TOGARAM2: variants seen among roughly 807,000 people sequenced by gnomAD.
The protein encoded by TOGARAM2 is TOG array regulator of axonemal microtubules 2.
In TOGARAM2, 85 loss-of-function variants were observed where a neutral mutation model predicts 93.3. The observed-to-expected ratio is 0.91, with a 90% confidence interval of 0.76 to 1.09. TOGARAM2 has a LOEUF of 1.09. Ranked by LOEUF, TOGARAM2 falls within the 50% of genes least tolerant of loss-of-function variation. The probability of loss-of-function intolerance (pLI) is 0.00; values close to 1 mark genes in which losing one functional copy is unlikely to be tolerated. For synonymous variants in TOGARAM2, 593 were observed against 552.8 expected (o/e 1.07, Z -1.02); for missense variants, 1,277 against 1,334.5 (o/e 0.96, Z 0.67).
At chr2:29,028,903 T>G (rs1361273442) in intron 14 of TOGARAM2, among the ~76,000 whole-genome samples, 1 of 152,142 alleles carries the variant, frequency 6.6e-6, no homozygotes, top group Non-Finnish European at 1.5e-5. Flanking sequence ...AGTGGAGAAG[T>G]GGAAGGTTTT....
chr2:28,961,912 T>C (rs539747251), intron 1 of TOGARAM2, among the ~76,000 whole-genome samples: 2 of 152,372 alleles, frequency 1.3e-5, no homozygotes, highest in South Asian at 4.1e-4. Flanking sequence ...TCTTTGTTTT[T>C]TCTCCAACTA....
intron 18 of TOGARAM2, among the ~76,000 whole-genome samples, chr2:29,041,268 C>T (rs1043289109): frequency 2.0e-5 from 3 of 152,186 alleles, no homozygotes; most frequent in Non-Finnish European, 4.4e-5. Flanking sequence ...AGGTGATCTG[C>T]TCACCTCGGC....
intron 18 of TOGARAM2, among the ~76,000 whole-genome samples, chr2:29,038,844 A>G (rs1486927489): frequency 6.6e-6 from 1 of 152,220 alleles, no homozygotes; most frequent in African/African-American, 2.4e-5. Context: ...TAGCCCAGCC[A>G]GCAAAACAGG....
At chr2:28,976,903 C>T (rs1260809936), upstream of TOGARAM2, among the ~76,000 whole-genome samples, 1 of 152,224 alleles carries the variant, frequency 6.6e-6, no homozygotes, top group South Asian at 2.1e-4. Flanking sequence ...TTCAGGCTCT[C>T]CAGGCTGGGG....
chr2:29,005,505 GTT>G (rs755849424), intron 6 of TOGARAM2, among the ~76,000 whole-genome samples: 9 of 101,882 alleles, frequency 8.8e-5, no homozygotes, highest in Non-Finnish European at 1.6e-4. Flanking sequence ...GAGTGCATGT[GTT>G]TGTGTAACTA....
At chr2:29,005,785 TGTGTGCATGTGTATGA>T (rs1663721465) in intron 6 of TOGARAM2, among the ~76,000 whole-genome samples, 4 of 13,112 alleles carry the variant, frequency 3.1e-4, no homozygotes, top group Admixed American at 2.8e-3. Flanking sequence ...GGAGTATCTG[TGTGTGCATGTGTATGA>T]GTGCATGTGT....
chr2:28,998,682 TTCC>T (rs1673121173), intron 3 of TOGARAM2, among the ~76,000 whole-genome samples: 1 of 152,204 alleles, frequency 6.6e-6, no homozygotes, highest in African/African-American at 2.4e-5. Context: ...AGAGCACCAC[TTCC>T]TGAAGGTCTT....
At position 29,022,722 on chromosome 2, in the gene TOGARAM2, C is replaced by T. The variant is rs148400307; in HGVS notation, c.1512-364C>T. Among the ~76,000 whole-genome samples the T allele has an allele frequency of 1.2e-3, 177 of 152,324 alleles. 2 individuals are homozygous for T. In the East Asian group the frequency reaches 0.027, roughly 23 times the overall value. Reference sequence around the variant, plus strand: ...CGTAGTCATGAGCAAAGCAATGCCTCGGCCTCCAGAACATTTGTGAGAAGC... The same window carrying T: ...CGTAGTCATGAGCAAAGCAATGCCTTGGCCTCCAGAACATTTGTGAGAAGC... On this transcript the variant is annotated intron_variant, in intron 11 of 19. Transcript: ENST00000379558.
intron 1 of TOGARAM2, among the ~76,000 whole-genome samples, chr2:28,961,429 C>T (rs1671803976): frequency 6.6e-6 from 1 of 152,068 alleles, no homozygotes; most frequent in Admixed American, 6.6e-5. Flanking sequence ...GCAACCTCCG[C>T]CTCCTAGATT....
chr2:29,010,371 C>T (rs990995425), intron 6 of TOGARAM2, among the ~76,000 whole-genome samples: 1 of 152,174 alleles, frequency 6.6e-6, no homozygotes, highest in African/African-American at 2.4e-5. Context: ...CGATCCCTCC[C>T]TGTGGGTCCA....
chr2:28,990,684 G>A (rs1426498081), intron 1 of TOGARAM2, among the ~76,000 whole-genome samples: 1 of 152,118 alleles, frequency 6.6e-6, no homozygotes, highest in African/African-American at 2.4e-5. Flanking sequence ...CAGTATGGAG[G>A]GTATCCCTGA....
At chr2:29,004,681 CATGT>C (rs1169678707) in intron 6 of TOGARAM2, among the ~76,000 whole-genome samples, 8 of 151,710 alleles carry the variant, frequency 5.3e-5, no homozygotes, top group Admixed American at 2.6e-4. Context: ...TGAGTATATG[CATGT>C]ATGTGAGTAC....
intron 1 of TOGARAM2, among the ~76,000 whole-genome samples, chr2:28,959,027 T>C (rs1671763590): frequency 6.6e-6 from 1 of 152,062 alleles, no homozygotes; most frequent in Non-Finnish European, 1.5e-5. Flanking sequence ...GCAGCAGGCG[T>C]GATGAGAGGG....
chr2:29,014,575 G>A lies in TOGARAM2; in HGVS notation c.1044+14G>A, dbSNP rs1013290246. The A allele has an allele frequency of 1.4e-5, 22 of 1,559,450 alleles. No homozygotes were observed. The highest frequency in any genetic ancestry group is 1.7e-4 in the Middle Eastern group (1 of 6,000). ...ATCGGCACCAAGGTACCTGGGGAGC[G>A]GGAGGAGGAGGAAGTGGGGCTGGAG... On this transcript the variant is annotated intron_variant, in intron 8 of 19. Transcript: ENST00000379558.
chr2:29,011,409 G>C (rs1470749670), intron 6 of TOGARAM2, 46 bp from the exon 7 acceptor site: 20 of 1,596,216 alleles, frequency 1.3e-5, no homozygotes, highest in Admixed American at 1.7e-5. Flanking sequence ...CAGTGTCTCT[G>C]GCTGGCCATC....
At chr2:28,966,388 C>A (rs192833770) in intron 1 of TOGARAM2, among the ~76,000 whole-genome samples, 1 of 152,130 alleles carries the variant, frequency 6.6e-6, no homozygotes, top group East Asian at 1.9e-4. Flanking sequence ...ATCTCCACCT[C>A]CGGCGTTCAA....
chr2:29,026,742 C>A (rs1397310129), intron 13 of TOGARAM2, 111 bp from the exon 14 acceptor site: 16 of 1,211,918 alleles, frequency 1.3e-5, no homozygotes, highest in Non-Finnish European at 1.8e-5. Context: ...ATTTTTGGAG[C>A]CCCTGGCTGG....
intron 1 of TOGARAM2, among the ~76,000 whole-genome samples, chr2:28,957,813 T>C (rs565490773): frequency 1.3e-5 from 2 of 152,196 alleles, no homozygotes; most frequent in South Asian, 4.2e-4. Flanking sequence ...GTATCTTCAA[T>C]AGGAGAGGTG....
rs1664242385 is a variant in TOGARAM2, at chr2:29,011,460, C to A, written c.836C>A (p.Ala279Asp). The A allele has an allele frequency of 6.2e-7, 1 of 1,609,570 alleles. No individual in the cohort carries two copies. Among genetic ancestry groups the A allele is most frequent in the Admixed American group, 1.7e-5 (1 of 59,062 alleles). ...TGLRAPRTRL[A>D]RGSGPREKTP... is the part of the protein sequence containing the mutation. Reference sequence around the variant, plus strand: ...CTCTCCCCCGTTCTTTTAAGATTGGCTCGGGGGAGTGGGCCTCGGGAGAAG... The same window carrying A: ...CTCTCCCCCGTTCTTTTAAGATTGGATCGGGGGAGTGGGCCTCGGGAGAAG... The change falls in exon 7 of 20, where the codon GCT becomes GAT. Residue 279 changes from alanine (A) to aspartate (D), a missense_variant. Ala to Asp is a moderately radical substitution (Grantham distance 126). Transcript: ENST00000379558.
Sources: allele counts gnomAD v4.1 joint callset (sites outside exome capture counted in the v4.1 genomes callset), GRCh38; gene constraint gnomAD v4.1.1; transcripts MANE v1.5; gene names NCBI Gene and HGNC (gene_info 2026-07-23, HGNC 2026-07-21).